The following ITPR1 variants were observed in gnomAD, a reference collection of about 807,000 sequenced individuals.
ITPR1 encodes inositol 1,4,5-trisphosphate receptor type 1.
A neutral mutation model predicts 318.4 loss-of-function variants in ITPR1; 96 were observed. The ratio of observed to expected loss-of-function variants is 0.30; its 90% CI spans 0.26 to 0.36. ITPR1 has a LOEUF of 0.36. ITPR1 is among the 10% of genes least tolerant of loss of function. ITPR1 has a pLI of 1.00. For synonymous variants in ITPR1, 1,312 were observed against 1,289.9 expected (o/e 1.02, Z -0.37); for missense variants, 2,440 against 3,460.2 (o/e 0.71, Z 7.40).
Position 4,779,733 on chromosome 3 carries a change from T to C in ITPR1, c.6387+88T>C. Reference sequence around the variant, plus strand: ...GCAGAGGATCTGCTTCCTGGAGCTTTCTTGAAGGTTCCCAAAGTCAGAAGT... The same window carrying C: ...GCAGAGGATCTGCTTCCTGGAGCTTCCTTGAAGGTTCCCAAAGTCAGAAGT... On this transcript the variant is annotated intron_variant, in intron 49 of 61. Transcript: ENST00000649015. The surrounding 1 kb of genome is among the most constrained non-coding windows in gnomAD (Gnocchi z 4.0). The C allele has an allele frequency of 1.1e-6, 1 of 877,144 alleles. No individual in the cohort carries two copies. Among genetic ancestry groups the C allele is most frequent in the Non-Finnish European group, 1.9e-6 (1 of 538,294 alleles). 54.3% of individuals were successfully genotyped at this position (877,144 alleles called of 1,614,324 possible).
At chr3:4,509,130 C>G (rs1176138087) in intron 2 of ITPR1, among the ~76,000 whole-genome samples, 1 of 152,156 alleles carries the variant, frequency 6.6e-6, no homozygotes, top group African/African-American at 2.4e-5. Context: ...TTGGTTTACT[C>G]CTCACAATGA....
intron 4 of ITPR1, among the ~76,000 whole-genome samples, chr3:4,566,602 ATG>A (rs148558714): frequency 7.9e-5 from 10 of 126,808 alleles, no homozygotes; most frequent in African/African-American, 1.6e-4. Context: ...ATGGGGACAC[ATG>A]CACACACACA....
chr3:4,561,255 T>A (rs2086646687), intron 4 of ITPR1, among the ~76,000 whole-genome samples: 1 of 152,228 alleles, frequency 6.6e-6, no homozygotes. Flanking sequence ...AAATTCTATC[T>A]TAACAAGTGC....
chr3:4,502,972 C>A lies in ITPR1; in HGVS notation c.-17+8466C>A, dbSNP rs547342135. ...TGATGGTGGGCACCTGTAGTCCCAG[C>A]TACTTGGGAGGCTGAGGCAGGAGAA... On this transcript the variant is annotated intron_variant, in intron 2 of 61. Transcript: ENST00000649015. 2.3e-4 allele frequency among the ~76,000 whole-genome samples: 35 copies of A among 152,040 alleles called. 1 individual carries two copies. The South Asian group carries it at 7.3e-3, about 32-fold the overall frequency.
intron 38 of ITPR1, 70 bp from the exon 39 acceptor site, chr3:4,711,687 A>G (rs2041383462): frequency 1.2e-6 from 1 of 821,114 alleles, no homozygotes; most frequent in Non-Finnish European, 2.0e-6. Flanking sequence ...GTTAAAATAA[A>G]TTGCTTGTGA....
intron 20 of ITPR1, 45 bp downstream of exon 20, chr3:4,670,971 A>G: frequency 1.5e-6 from 2 of 1,340,770 alleles, no homozygotes; most frequent in Non-Finnish European, 2.0e-6. Context: ...GCCCCAAAAC[A>G]GTGGCACTTA....
In ITPR1 at chr3:4,779,757, G is replaced by A; in HGVS notation, c.6387+112G>A. The A allele has an allele frequency of 5.9e-6, 4 of 677,150 alleles. No homozygotes were observed. The highest frequency in any genetic ancestry group is 5.2e-6 in the Non-Finnish European group (2 of 384,186). The allele number at this position is 677,150 out of a possible 1,614,324, so 41.9% of individuals were successfully genotyped here. ...TTCTTGAAGGTTCCCAAAGTCAGAA[G>A]TATAAAGGGAACATTGAATTCAGGC... On this transcript the variant is annotated intron_variant, in intron 49 of 61. Coordinates refer to ENST00000649015, the MANE Select transcript of ITPR1 (RefSeq NM_001378452.1). The surrounding 1 kb of genome is among the most constrained non-coding windows in gnomAD (Gnocchi z 4.0).
intron 4 of ITPR1, among the ~76,000 whole-genome samples, chr3:4,555,930 G>A (rs115959858): frequency 0.047 from 7,228 of 152,210 alleles, 249 homozygotes; most frequent in Middle Eastern, 0.082. Flanking sequence ...ATGGCTCGAA[G>A]TCAGGATTTG....
At chr3:4,595,622 G>T (rs1399635209) in intron 4 of ITPR1, among the ~76,000 whole-genome samples, 1 of 152,166 alleles carries the variant, frequency 6.6e-6, no homozygotes, top group African/African-American at 2.4e-5. Flanking sequence ...TGAGGAGCTG[G>T]GGTGTCGGCT....
intron 4 of ITPR1, among the ~76,000 whole-genome samples, chr3:4,595,780 G>C (rs1412310453): frequency 6.6e-6 from 1 of 152,156 alleles, no homozygotes; most frequent in East Asian, 1.9e-4. Context: ...GATGAGGTCT[G>C]AGAAGTCAGT....
Position 4,664,962 on chromosome 3 carries a change from G to T in ITPR1, c.1555-176G>T, listed in dbSNP as rs74658803. On this transcript the variant is annotated intron_variant, in intron 16 of 61. Transcript: ENST00000649015. ...AGTGGAGTCCAGTAGACTTAATTCA[G>T]CGCGTCTCCCATCTCAGTTGATGGG... Among the ~76,000 whole-genome samples, 1,373 of 152,276 alleles carry T rather than the reference G, an allele frequency of 9.0e-3. 15 individuals are homozygous for T. Among genetic ancestry groups the T allele is most frequent in the African/African-American group, 0.031 (1,287 of 41,536 alleles).
chr3:4,557,946 A>G lies in ITPR1; in HGVS notation c.163+36852A>G, dbSNP rs1253615836. Reference sequence around the variant, plus strand: ...CTCTAGTTATAAAGTGAGTTTTATTACATCCACATAAGCTGCTTTTTAAAA... The same window carrying G: ...CTCTAGTTATAAAGTGAGTTTTATTGCATCCACATAAGCTGCTTTTTAAAA... On this transcript the variant is annotated intron_variant, in intron 4 of 61. Transcript: ENST00000649015. Among the ~76,000 whole-genome samples, 5 of 152,210 alleles carry G rather than the reference A, an allele frequency of 3.3e-5. No homozygotes were observed. The East Asian group carries it at 9.6e-4, about 29-fold the overall frequency.
intron 2 of ITPR1, among the ~76,000 whole-genome samples, chr3:4,509,930 C>G (rs2081673450): frequency 6.6e-6 from 1 of 152,256 alleles, no homozygotes; most frequent in Non-Finnish European, 1.5e-5. Flanking sequence ...AAGAAGACAA[C>G]TGAGGTTCTT....
chr3:4,588,658 C>T (rs1435446143), intron 4 of ITPR1, among the ~76,000 whole-genome samples: 1 of 152,084 alleles, frequency 6.6e-6, no homozygotes, highest in Non-Finnish European at 1.5e-5. Flanking sequence ...TTCTCCAGTG[C>T]CCATCTGTCT....
At chr3:4,619,493 C>T (rs2092513040) in intron 4 of ITPR1, among the ~76,000 whole-genome samples, 1 of 150,066 alleles carries the variant, frequency 6.7e-6, no homozygotes, top group South Asian at 2.1e-4. Flanking sequence ...TCACTCCTCC[C>T]TCTCTCCTTT....
intron 4 of ITPR1, among the ~76,000 whole-genome samples, chr3:4,575,939 G>A (rs926233819): frequency 6.6e-6 from 1 of 151,802 alleles, no homozygotes; most frequent in Non-Finnish European, 1.5e-5. Context: ...AGGATCGCTT[G>A]GGCCCGGGAG....
At chr3:4,633,855 A>G (rs1252615356) in intron 5 of ITPR1, among the ~76,000 whole-genome samples, 1 of 152,204 alleles carries the variant, frequency 6.6e-6, no homozygotes, top group East Asian at 1.9e-4. Flanking sequence ...ACAGGTCCTT[A>G]TTGTCTGGGT....
intron 4 of ITPR1, among the ~76,000 whole-genome samples, chr3:4,553,444 G>T (rs11709199): frequency 0.23 from 34,200 of 151,524 alleles, 4,185 homozygotes; most frequent in African/African-American, 0.31. Flanking sequence ...TTATTATTTT[G>T]TTTTGAGGGA....
At chr3:4,545,324 G>T (rs2084864269) in intron 4 of ITPR1, among the ~76,000 whole-genome samples, 1 of 151,902 alleles carries the variant, frequency 6.6e-6, no homozygotes, top group African/African-American at 2.4e-5. Flanking sequence ...GCTGCTTATG[G>T]TATATTAAAG....
Sources: gnomAD v4.1 joint callset for allele counts (sites outside exome capture counted in the v4.1 genomes callset) on GRCh38, gnomAD v4.1.1 for gene constraint, Gnocchi (gnomAD v3.1) non-coding constraint, MANE v1.5 for transcripts, NCBI Gene and HGNC (gene_info 2026-07-23, HGNC 2026-07-21) for gene names.